The following NBDY variants were observed in gnomAD, a reference collection of about 807,000 sequenced individuals.
The protein encoded by NBDY is negative regulator of P-body association.
chrX:56,791,452 T>C (rs1017248501), intron 2 of NBDY, among the ~76,000 whole-genome samples: 1 of 111,696 alleles, frequency 9.0e-6, no homozygotes, highest in Non-Finnish European at 1.9e-5. Context: ...GCCTTGGCCT[T>C]GTAGACTTGG....
intron 2 of NBDY, among the ~76,000 whole-genome samples, chrX:56,734,176 C>A (rs2069474501): frequency 8.9e-6 from 1 of 111,977 alleles, no homozygotes; most frequent in Non-Finnish European, 1.9e-5. Context: ...TAGAGCATCA[C>A]ATAAATATTC....
chrX:56,811,763 A>G (rs2069888157), intron 2 of NBDY, among the ~76,000 whole-genome samples: 1 of 110,885 alleles, frequency 9.0e-6, no homozygotes, highest in South Asian at 3.9e-4. Flanking sequence ...AAGGGAGTGA[A>G]TGGTTTTGTC....
rs943159831 is a variant in NBDY at position 56,806,506 on chromosome X, AC to A, written c.*167-10812del. 3.6e-5 allele frequency among the ~76,000 whole-genome samples: 4 copies of A among 111,948 alleles called. No individual in the cohort carries two copies. The Admixed American group carries it at 3.8e-4, about 11-fold the overall frequency. On this transcript the variant is annotated intron_variant, in intron 2 of 2. Coordinates refer to ENST00000374922, the MANE Select transcript of NBDY (RefSeq NM_001348129.2). ...GTTATTTTCTGACTTTTTAATGATC[AC>A]CATTGTAACGGGCATGAAATGGTAT...
intron 2 of NBDY, among the ~76,000 whole-genome samples, chrX:56,790,938 C>T (rs758735986): frequency 2.1e-4 from 24 of 112,398 alleles, no homozygotes; most frequent in African/African-American, 7.4e-4. Context: ...AGCATGGCAG[C>T]CTCCTGGCCC....
intron 2 of NBDY, among the ~76,000 whole-genome samples, chrX:56,805,657 G>A (rs1311349187): frequency 1.8e-5 from 2 of 111,851 alleles, no homozygotes; most frequent in East Asian, 2.8e-4. Flanking sequence ...GCAGACCTGG[G>A]ACTAAGGGGC....
intron 2 of NBDY, among the ~76,000 whole-genome samples, chrX:56,806,118 G>C (rs2069848490): frequency 9.0e-6 from 1 of 111,440 alleles, no homozygotes; most frequent in Non-Finnish European, 1.9e-5. Flanking sequence ...ATGGTATCCA[G>C]CTTCATCCAT....
chrX:56,759,130 G>A (rs2069625639), intron 2 of NBDY, among the ~76,000 whole-genome samples: 1 of 112,135 alleles, frequency 8.9e-6, no homozygotes, highest in Admixed American at 9.4e-5. Context: ...AGCCCATTCT[G>A]GTGACCTGCA....
At position 56,818,839 on chromosome X, in the gene NBDY, T is replaced by C. The variant is rs752984971; in HGVS notation, c.*1686T>C. The C allele has an allele frequency of 2.7e-5, 3 of 111,269 alleles. No individual in the cohort carries two copies. Among genetic ancestry groups the C allele is most frequent in the East Asian group, 5.6e-4 (2 of 3,563 alleles). The allele number at this position is 111,269 out of a possible 1,213,427, so 9.2% of individuals were successfully genotyped here. ...GTGGTACTGGCATAGGATATAAATATTGATCAATGAAATAGAATCCAAAGT... is the reference window on the plus strand; with the variant it reads ...GTGGTACTGGCATAGGATATAAATACTGATCAATGAAATAGAATCCAAAGT... On this transcript the variant is annotated 3_prime_UTR_variant, in exon 3 of 3. Transcript: ENST00000374922.
chrX:56,761,743 G>T (rs759201985), intron 2 of NBDY, among the ~76,000 whole-genome samples: 2 of 112,954 alleles, frequency 1.8e-5, no homozygotes, highest in South Asian at 7.3e-4. Flanking sequence ...GGGAGAACAC[G>T]CCTTCTTTTC....
chrX:56,758,816 T>G (rs1239151402), intron 2 of NBDY, among the ~76,000 whole-genome samples: 1 of 111,569 alleles, frequency 9.0e-6, no homozygotes, highest in Non-Finnish European at 1.9e-5. Flanking sequence ...CTCCTCAAGC[T>G]AAACTCTGGT....
chrX:56,797,284 C>T (rs1460795568), intron 2 of NBDY, among the ~76,000 whole-genome samples: 1 of 105,986 alleles, frequency 9.4e-6, no homozygotes, highest in Non-Finnish European at 1.9e-5. Context: ...TTTTCTATTT[C>T]TCCTTCTACA....
At chrX:56,795,570 G>A (rs1007621522) in intron 2 of NBDY, among the ~76,000 whole-genome samples, 1 of 112,031 alleles carries the variant, frequency 8.9e-6, no homozygotes, top group African/African-American at 3.2e-5. Context: ...ACTGGGAACA[G>A]GCAGAGTTTC....
At chrX:56,815,085 T>C (rs756640387) in intron 2 of NBDY, among the ~76,000 whole-genome samples, 23 of 111,453 alleles carry the variant, frequency 2.1e-4, no homozygotes, top group Admixed American at 3.8e-4. Context: ...TTATAGACTA[T>C]ATGACTTGGC....
At chrX:56,799,343 A>G in intron 2 of NBDY, among the ~76,000 whole-genome samples, 1 of 113,108 alleles carries the variant, frequency 8.8e-6, no homozygotes, top group African/African-American at 3.2e-5. Flanking sequence ...TCCACAAAAG[A>G]GACCAGAGCA....
chrX:56,732,906 T>G (rs1474587753), intron 2 of NBDY, among the ~76,000 whole-genome samples: 1 of 111,629 alleles, frequency 9.0e-6, no homozygotes, highest in East Asian at 2.8e-4. Context: ...CTAATGTATT[T>G]CTTGCTTTTG....
At chrX:56,756,484 ATACT>A (rs2069612036) in intron 2 of NBDY, among the ~76,000 whole-genome samples, 2 of 110,380 alleles carry the variant, frequency 1.8e-5, no homozygotes, top group Admixed American at 9.6e-5. Context: ...AATAAAGAAA[ATACT>A]TACACTGAAA....
Position 56,729,662 on chromosome X carries a change from C to T in NBDY, c.*29+73C>T, listed in dbSNP as rs767831873. On this transcript the variant is annotated intron_variant, in intron 1 of 2. Coordinates refer to ENST00000374922, the MANE Select transcript of NBDY (RefSeq NM_001348129.2). The stretch of plus-strand genomic sequence containing the variant: ...TATGCATTCTCACAAATTTCCTTCC[C>T]CTTTTCCCTGTTCTTTCCATGATTT... 4.1e-5 allele frequency: 12 copies of T among 292,717 alleles called. No individual in the cohort carries two copies. In the Admixed American group the frequency reaches 4.9e-4, roughly 12 times the overall value. The allele number at this position is 292,717 out of a possible 1,213,427, so 24.1% of individuals were successfully genotyped here.
intron 2 of NBDY, among the ~76,000 whole-genome samples, chrX:56,767,600 C>A (rs954025078): frequency 3.5e-5 from 4 of 113,584 alleles, no homozygotes; most frequent in African/African-American, 6.4e-5. Flanking sequence ...CCAGTTGGAC[C>A]TGCCTGCCCA....
chrX:56,805,983 A>T (rs2069847522), intron 2 of NBDY, among the ~76,000 whole-genome samples: 1 of 109,930 alleles, frequency 9.1e-6, no homozygotes, highest in Admixed American at 9.7e-5. Context: ...TCCCCACCCC[A>T]TGACAGGCCC....
Sources: allele counts gnomAD v4.1 joint callset (sites outside exome capture counted in the v4.1 genomes callset), GRCh38; gene constraint gnomAD v4.1.1; transcripts MANE v1.5; gene names NCBI Gene and HGNC (gene_info 2026-07-23, HGNC 2026-07-21).